The following RRM2 variants were observed in gnomAD, a reference collection of about 807,000 sequenced individuals.
The protein encoded by RRM2 is ribonucleotide reductase regulatory subunit M2.
In RRM2, 6 loss-of-function variants were observed where a neutral mutation model predicts 45.9. The ratio of observed to expected loss-of-function variants is 0.13; its 90% CI spans 0.07 to 0.26. The LOEUF is 0.26. Ranked by LOEUF, RRM2 falls within the 10% of genes least tolerant of loss-of-function variation. The probability of loss-of-function intolerance (pLI) is 1.00; values close to 1 mark genes in which losing one functional copy is unlikely to be tolerated. For missense variants in RRM2, 343 were observed against 489.5 expected (o/e 0.70, Z 2.82); for synonymous variants, 177 against 173.0 (o/e 1.02, Z -0.18).
Position 10,130,774 on chromosome 2 carries a change from TA to T in RRM2, c.*1389del, listed in dbSNP as rs959919500. On this transcript the variant is annotated 3_prime_UTR_variant, in exon 10 of 10. Transcript: ENST00000304567. ...CCTCCCTAGTAGCTGGGACTGCAGG[TA>T]TGTGCTACCACACCTGGCTAATTTT... 1.3e-5 allele frequency: 2 copies of T among 152,020 alleles called. No homozygotes were observed. Among genetic ancestry groups the T allele is most frequent in the Non-Finnish European group, 2.9e-5 (2 of 68,014 alleles). 9.4% of individuals were successfully genotyped at this position (152,020 alleles called of 1,614,324 possible).
intron 3 of RRM2, among the ~76,000 whole-genome samples, chr2:10,144,869 G>T (rs554965971): frequency 6.6e-6 from 1 of 152,160 alleles, no homozygotes; most frequent in Non-Finnish European, 1.5e-5. Flanking sequence ...TGCCCACTGG[G>T]GGAAGGGCGG....
chr2:10,201,148 C>CAAAAAA (rs146526701), intron 3 of RRM2, among the ~76,000 whole-genome samples: 1 of 121,072 alleles, frequency 8.3e-6, no homozygotes. Flanking sequence ...GATTCCATCT[C>CAAAAAA]AAAAAAAAAA....
At chr2:10,175,566 A>C (rs1401550550) in intron 3 of RRM2, among the ~76,000 whole-genome samples, 2 of 152,160 alleles carry the variant, frequency 1.3e-5, no homozygotes, top group East Asian at 3.8e-4. Flanking sequence ...GGTAAACACC[A>C]TCCTACCTTC....
At chr2:10,209,569 G>A (rs1164367906) in intron 3 of RRM2, among the ~76,000 whole-genome samples, 2 of 151,544 alleles carry the variant, frequency 1.3e-5, no homozygotes, top group Admixed American at 6.6e-5. Flanking sequence ...CAGCTGACGT[G>A]CTTGCATGTG....
rs573914086 is a variant in RRM2 at position 10,172,066 on chromosome 2, G to A, written n.482+29691G>A. 6.6e-6 allele frequency among the ~76,000 whole-genome samples: 1 copy of A among 152,346 alleles called. No homozygotes were observed. The highest frequency in any genetic ancestry group is 1.9e-4 in the East Asian group (1 of 5,186). On this transcript the variant is annotated intron_variant and non_coding_transcript_variant, in intron 3 of 3. Coordinates refer to the RRM2 transcript ENST00000381786. This position sits in a 1 kb window ranked among gnomAD's most constrained non-coding sequence, Gnocchi z 4.9. ...GAAGCACAGCTCCTTTGGGGTCTGC[G>A]TGCATTTGAGCATGAGTGCATTAAC... is the stretch of plus-strand genomic sequence containing the variant.
chr2:10,178,418 T>C (rs1008959436), intron 3 of RRM2, among the ~76,000 whole-genome samples: 1 of 151,982 alleles, frequency 6.6e-6, no homozygotes, highest in African/African-American at 2.4e-5. Flanking sequence ...AGACAGAGTT[T>C]CACCATGTCG....
chr2:10,197,314 GCT>G (rs1485814969), intron 3 of RRM2, among the ~76,000 whole-genome samples: 1 of 152,216 alleles, frequency 6.6e-6, no homozygotes, highest in Non-Finnish European at 1.5e-5. Context: ...GGCTCCACGG[GCT>G]GTCTCCACCT....
At chr2:10,209,347 C>T (rs534905779) in intron 3 of RRM2, among the ~76,000 whole-genome samples, 2 of 152,092 alleles carry the variant, frequency 1.3e-5, no homozygotes, top group East Asian at 3.9e-4. Context: ...TGTGAGCCAC[C>T]GCACCCAGCC....
intron 1 of RRM2, chr2:10,141,725 G>T (rs1158560238): frequency 7.5e-7 from 1 of 1,337,120 alleles, no homozygotes; most frequent in Non-Finnish European, 1.0e-6. Context: ...AGCAGGTGAG[G>T]GTGGGGTACT....
At chr2:10,123,078 A>C in intron 2 of RRM2, 21 bp downstream of exon 2, 1 of 1,539,478 alleles carries the variant, frequency 6.5e-7, no homozygotes, top group Non-Finnish European at 8.7e-7. Context: ...GGCGTGGGGC[A>C]GAGGGGCCAG....
intron 3 of RRM2, chr2:10,192,647 G>A (rs1276735157): frequency 1.3e-5 from 2 of 154,594 alleles, no homozygotes; most frequent in Non-Finnish European, 2.9e-5. Flanking sequence ...CCTGTCTCAG[G>A]AACTGGGAGG....
chr2:10,142,519 C>T lies in RRM2; in HGVS notation n.482+144C>T, dbSNP rs1384996236. ...AGGTCGGAAATCCAGGTACTGCCAGCCTCTGCCGTTCTACGTGTGGCCAGG... is the reference window on the plus strand; with the variant it reads ...AGGTCGGAAATCCAGGTACTGCCAGTCTCTGCCGTTCTACGTGTGGCCAGG... On this transcript the variant is annotated intron_variant and non_coding_transcript_variant, in intron 3 of 3. Coordinates refer to the RRM2 transcript ENST00000381786. 6 of 814,710 alleles carry T rather than the reference C, an allele frequency of 7.4e-6. No individual in the cohort carries two copies. In the African/African-American group the frequency reaches 1.1e-4, roughly 15 times the overall value. 50.5% of individuals were successfully genotyped at this position (814,710 alleles called of 1,614,324 possible). A position where few individuals can be genotyped will look rare whatever the true frequency, so the allele number is the denominator to read the frequency against.
intron 3 of RRM2, among the ~76,000 whole-genome samples, chr2:10,173,292 C>T (rs192509352): frequency 4.9e-4 from 74 of 152,326 alleles, no homozygotes; most frequent in African/African-American, 1.7e-3. Flanking sequence ...CTTATTTCAT[C>T]TCTCTCCGTT....
Position 10,172,794 on chromosome 2 carries a change from G to A in RRM2, n.482+30419G>A, listed in dbSNP as rs1412377134. Among the ~76,000 whole-genome samples the A allele has an allele frequency of 6.6e-6, 1 of 152,216 alleles. No homozygotes were observed. Among genetic ancestry groups the A allele is most frequent in the African/African-American group, 2.4e-5 (1 of 41,464 alleles). ...GGGCCCTTTGTTGAAAAACAATGAA[G>A]AATTTCAAGATGGTGGCAGCAGAGC... On this transcript the variant is annotated intron_variant and non_coding_transcript_variant, in intron 3 of 3. Coordinates refer to the RRM2 transcript ENST00000381786. The surrounding 1 kb of genome is among the most constrained non-coding windows in gnomAD (Gnocchi z 4.9).
At chr2:10,175,918 A>C (rs1663906369) in intron 3 of RRM2, among the ~76,000 whole-genome samples, 1 of 151,916 alleles carries the variant, frequency 6.6e-6, no homozygotes, top group Non-Finnish European at 1.5e-5. Flanking sequence ...GTTTCCTATG[A>C]ATTTGACCAT....
chr2:10,200,434 C>A (rs972825024), intron 3 of RRM2, among the ~76,000 whole-genome samples: 3 of 137,690 alleles, frequency 2.2e-5, no homozygotes, highest in Admixed American at 7.3e-5. Flanking sequence ...AGGGACCGCG[C>A]GCGCAAAATA....
chr2:10,136,983 CTCA>C (rs1334123413), upstream of RRM2, among the ~76,000 whole-genome samples: 2 of 152,316 alleles, frequency 1.3e-5, no homozygotes, highest in East Asian at 1.9e-4. Context: ...AGGCTGAAGC[CTCA>C]TCATATTCAT....
At chr2:10,134,952 C>T (rs1220143604), downstream of RRM2, among the ~76,000 whole-genome samples, 7 of 152,216 alleles carry the variant, frequency 4.6e-5, no homozygotes, top group Non-Finnish European at 1.0e-4. Context: ...CATTCCTAGT[C>T]TCATTTGAAT....
chr2:10,176,842 AG>A (rs1279640569), intron 3 of RRM2, among the ~76,000 whole-genome samples: 1 of 152,234 alleles, frequency 6.6e-6, no homozygotes, highest in East Asian at 1.9e-4. Flanking sequence ...TGGTGGTCAT[AG>A]GCACCTGTTT....
Sources: allele counts gnomAD v4.1 joint callset (sites outside exome capture counted in the v4.1 genomes callset), GRCh38; gene constraint gnomAD v4.1.1; non-coding constraint Gnocchi (gnomAD v3.1); transcripts MANE v1.5; gene names NCBI Gene and HGNC (gene_info 2026-07-23, HGNC 2026-07-21).